Variants in PPM1A observed in about 807,000 individuals in gnomAD.
The protein encoded by PPM1A is protein phosphatase, Mg2+/Mn2+ dependent 1A.
A neutral mutation model predicts 35.0 loss-of-function variants in PPM1A; 7 were observed. The observed-to-expected ratio is 0.20, with a 90% confidence interval of 0.11 to 0.38. The LOEUF (loss-of-function observed/expected upper bound fraction) is 0.38. Ranked by LOEUF, PPM1A falls within the 10% of genes least tolerant of loss-of-function variation. PPM1A has a pLI of 1.00. For missense variants in PPM1A, 239 were observed against 467.8 expected (o/e 0.51, Z 4.51); for synonymous variants, 153 against 167.3 (o/e 0.91, Z 0.66).
In PPM1A at chr14:60,282,459, C is replaced by T. The variant is rs1009832838; in HGVS notation, c.-20-225C>T. ...CTGCCTTCTCCCCTTTATCCCAATG[C>T]TTTAGTTTTTTTCTGCCTTTTTGTC... On this transcript the variant is annotated intron_variant, in intron 1 of 5. Transcript: ENST00000395076. The surrounding 1 kb of genome is among the most constrained non-coding windows in gnomAD (Gnocchi z 5.1). Among the ~76,000 whole-genome samples the T allele has an allele frequency of 3.9e-5, 6 of 152,192 alleles. No individual in the cohort carries two copies. Among genetic ancestry groups the T allele is most frequent in the Non-Finnish European group, 7.3e-5 (5 of 68,032 alleles).
chr14:60,246,169 G>T, upstream of PPM1A: 1 of 948,238 alleles, frequency 1.1e-6, no homozygotes, highest in Non-Finnish European at 1.5e-6. Flanking sequence ...CTCCTGAGGG[G>T]GTCATTTACA....
At chr14:60,249,098 C>G (rs1881996306), upstream of PPM1A, 1 of 457,108 alleles carries the variant, frequency 2.2e-6, no homozygotes, top group Non-Finnish European at 2.9e-6. This position sits in a 1 kb window ranked among gnomAD's most constrained non-coding sequence, Gnocchi z 4.5. Flanking sequence ...CCAACGACAT[C>G]CGGGTCTCTG....
chr14:60,247,399 G>A (rs1208909008), upstream of PPM1A, among the ~76,000 whole-genome samples: 1 of 152,060 alleles, frequency 6.6e-6, no homozygotes, highest in East Asian at 1.9e-4. Context: ...GGAGGCCGAG[G>A]AGGGTGGATC....
intron 1 of PPM1A, among the ~76,000 whole-genome samples, chr14:60,271,793 T>A (rs1308895882): frequency 1.3e-5 from 2 of 152,168 alleles, no homozygotes; most frequent in East Asian, 3.8e-4. Flanking sequence ...GTTTTTTTTT[T>A]AATGGGAATT....
At chr14:60,274,419 C>G (rs987518818) in intron 1 of PPM1A, among the ~76,000 whole-genome samples, 1 of 151,890 alleles carries the variant, frequency 6.6e-6, no homozygotes, top group Non-Finnish European at 1.5e-5. Context: ...GAATAAGTCA[C>G]ATGAAAAGTT....
rs577322536 is a variant in PPM1A, at chr14:60,266,178, TTTTA to T, written c.-20-16497_-20-16494del. On this transcript the variant is annotated intron_variant, in intron 1 of 5. Coordinates refer to ENST00000395076, the MANE Select transcript of PPM1A (RefSeq NM_021003.5). ...ATATATTTATTACCCATTTATATTC[TTTTA>T]TTTATTTAATTGCCTGTTCACATTC... 3.0e-3 allele frequency among the ~76,000 whole-genome samples: 458 copies of T among 152,254 alleles called. 1 individual carries two copies. Among genetic ancestry groups the T allele is most frequent in the African/African-American group, 0.01 (428 of 41,524 alleles).
chr14:60,275,044 T>C (rs1284177025), intron 1 of PPM1A, among the ~76,000 whole-genome samples: 1 of 150,940 alleles, frequency 6.6e-6, no homozygotes, highest in Non-Finnish European at 1.5e-5. Flanking sequence ...AGAAAAATTT[T>C]AGATTTCTTT....
chr14:60,271,059 G>T (rs1885031450), intron 1 of PPM1A, among the ~76,000 whole-genome samples: 1 of 152,182 alleles, frequency 6.6e-6, no homozygotes, highest in Non-Finnish European at 1.5e-5. Flanking sequence ...CACCAAGAAT[G>T]TGCTCACTCC....
chr14:60,289,367 AT>A lies in PPM1A; in HGVS notation c.953-437del, dbSNP rs1673151754. ...TATATAATCTATAAATTCCCCTATA[AT>A]TAAGGGTTGTTATTTTCAAATCTTG... On this transcript the variant is annotated intron_variant, in intron 3 of 5. Transcript: ENST00000395076. The surrounding 1 kb of genome is among the most constrained non-coding windows in gnomAD (Gnocchi z 4.1). 6.6e-6 allele frequency among the ~76,000 whole-genome samples: 1 copy of A among 152,120 alleles called. No homozygotes were observed. Among genetic ancestry groups the A allele is most frequent in the Non-Finnish European group, 1.5e-5 (1 of 67,994 alleles).
rs1401896583 is a variant in PPM1A, at chr14:60,283,011, C to T, written c.308C>T (p.Thr103Ile). The T allele has an allele frequency of 1.9e-6, 3 of 1,614,078 alleles. No individual in the cohort carries two copies. Among genetic ancestry groups the T allele is most frequent in the Non-Finnish European group, 8.5e-7 (1 of 1,180,050 alleles). ...SVENVKNGIR[T>I]GFLEIDEHMR... ...GAAAATGTAAAGAATGGAATCAGAACAGGTTTTCTGGAGATTGATGAACAC... is the reference window on the plus strand; with the variant it reads ...GAAAATGTAAAGAATGGAATCAGAATAGGTTTTCTGGAGATTGATGAACAC... Residue 103 changes from threonine to isoleucine, a missense_variant, in exon 2 of 6, where the codon ACA (threonine) becomes ATA (isoleucine). Transcript: ENST00000395076. This position sits in a 1 kb window ranked among gnomAD's most constrained non-coding sequence, Gnocchi z 6.3.
intron 2 of PPM1A, among the ~76,000 whole-genome samples, chr14:60,284,407 C>T (rs534522236): frequency 1.4e-4 from 21 of 152,138 alleles, no homozygotes; most frequent in South Asian, 4.2e-4. Context: ...TTTGGGAGGC[C>T]GAGGTGGGCG....
intron 1 of PPM1A, among the ~76,000 whole-genome samples, chr14:60,259,082 C>T (rs1004539820): frequency 2.0e-5 from 3 of 152,036 alleles, no homozygotes; most frequent in African/African-American, 7.2e-5. Flanking sequence ...TTAAATAGAA[C>T]TTTCACTTGA....
At chr14:60,285,562 G>T (rs1595364641) in intron 2 of PPM1A, 62 bp from the exon 3 acceptor site, 1 of 1,530,792 alleles carries the variant, frequency 6.5e-7, no homozygotes, top group Non-Finnish European at 9.0e-7. Context: ...AGCTGTAAAG[G>T]TTCTCAAGGC....
intron 4 of PPM1A, among the ~76,000 whole-genome samples, chr14:60,290,811 C>T (rs1887556676): frequency 1.3e-5 from 2 of 151,896 alleles, no homozygotes; most frequent in East Asian, 1.9e-4. Flanking sequence ...TTCTATGAAA[C>T]GATCTATAAA....
upstream of PPM1A, among the ~76,000 whole-genome samples, chr14:60,249,008 A>C (rs957170620): frequency 2.6e-5 from 4 of 152,178 alleles, no homozygotes; most frequent in Admixed American, 2.6e-4. This position sits in a 1 kb window ranked among gnomAD's most constrained non-coding sequence, Gnocchi z 4.5. Context: ...CAGCAGCGGC[A>C]GAGAAAGAAG....
intron 1 of PPM1A, among the ~76,000 whole-genome samples, chr14:60,265,310 C>G (rs553514651): frequency 1.3e-5 from 2 of 152,260 alleles, no homozygotes; most frequent in East Asian, 3.9e-4. Flanking sequence ...AAGAGCCTCT[C>G]CACCCTAGGT....
intron 1 of PPM1A, among the ~76,000 whole-genome samples, chr14:60,261,333 G>A (rs770277933): frequency 3.9e-5 from 6 of 151,998 alleles, no homozygotes; most frequent in Non-Finnish European, 5.9e-5. Flanking sequence ...CTAGAGGGAA[G>A]GAATAAAAGG....
chr14:60,285,917 AC>A (rs1198191111), intron 3 of PPM1A, 176 bp downstream of exon 3: 1 of 1,321,648 alleles, frequency 7.6e-7, no homozygotes, highest in Non-Finnish European at 9.7e-7. Context: ...TTGTCCTATC[AC>A]AGTTATATTA....
chr14:60,275,374 C>T lies in PPM1A; in HGVS notation c.-20-7310C>T, dbSNP rs144167046. Among the ~76,000 whole-genome samples the T allele has an allele frequency of 4.4e-3, 671 of 152,132 alleles. 3 individuals carry two copies. The highest frequency in any genetic ancestry group is 0.014 in the Middle Eastern group (4 of 294). On this transcript the variant is annotated intron_variant, in intron 1 of 5. Transcript: ENST00000395076. The stretch of plus-strand genomic sequence containing the variant: ...ACCTTGGGCAAGTTATTCTGTTTCT[C>T]TGCACCTTCTCATTTGTAAAATAGG...
Sources: gnomAD v4.1 joint callset for allele counts (sites outside exome capture counted in the v4.1 genomes callset) on GRCh38, gnomAD v4.1.1 for gene constraint, Gnocchi (gnomAD v3.1) non-coding constraint, MANE v1.5 for transcripts, NCBI Gene and HGNC (gene_info 2026-07-23, HGNC 2026-07-21) for gene names.